KCNJ10: variants seen among roughly 807,000 people sequenced by gnomAD.
KCNJ10 encodes the protein potassium inwardly rectifying channel subfamily J member 10.
In KCNJ10, 9 loss-of-function variants were observed where a neutral mutation model predicts 22.2. That is an observed-to-expected ratio of 0.40 (90% confidence interval 0.24 to 0.71). The LOEUF is 0.71. Among genes scored for constraint, KCNJ10 ranks in the 30% least tolerant of loss-of-function variants. The pLI is 0.35. For missense variants in KCNJ10, 337 were observed against 482.7 expected, an observed-to-expected ratio of 0.70 and a Z score of 2.83; for synonymous variants, 184 against 187.3, an observed-to-expected ratio of 0.98 and a Z score of 0.15.
At chr1:160,062,174 G>T (rs1649215578) in intron 1 of KCNJ10, among the ~76,000 whole-genome samples, 1 of 152,062 alleles carries the variant, frequency 6.6e-6, no homozygotes, top group African/African-American at 2.4e-5. Flanking sequence ...CCTGCCCAGA[G>T]AGTGGGGGAG....
At chr1:160,056,936 A>T (rs1373319773) in intron 1 of KCNJ10, among the ~76,000 whole-genome samples, 1 of 152,208 alleles carries the variant, frequency 6.6e-6, no homozygotes, top group African/African-American at 2.4e-5. Context: ...AAATGGAGTT[A>T]GCCCAACAAA....
Position 160,042,154 on chromosome 1 carries a change from T to C in KCNJ10, c.379A>G (p.Thr127Ala). ...TAGCGGAAGCCATAGCCAATGGTGGTTTGGGATTCAAGGGAGAAGAGGAAG... is the reference window on the plus strand; with the variant it reads ...TAGCGGAAGCCATAGCCAATGGTGGCTTGGGATTCAAGGGAGAAGAGGAAG... ...GAFLFSLESQ[T>A]TIGYGFRYIS... The change falls in exon 2 of 2, where the codon ACC becomes GCC. Residue 127 changes from threonine (T) to alanine (A), a missense_variant. Physicochemically the swap from Thr to Ala is moderately conservative, Grantham distance 58. Transcript: ENST00000644903. 1 of 1,586,424 alleles carries C rather than the reference T, an allele frequency of 6.3e-7. No individual in the cohort carries two copies. Among genetic ancestry groups the C allele is most frequent in the Non-Finnish European group, 8.6e-7 (1 of 1,163,986 alleles).
chr1:160,066,050 G>A (rs1446087031), intron 1 of KCNJ10, among the ~76,000 whole-genome samples: 1 of 152,142 alleles, frequency 6.6e-6, no homozygotes, highest in Non-Finnish European at 1.5e-5. Flanking sequence ...ATACAAGAGC[G>A]ATAGGCAGGA....
At chr1:160,066,178 GC>G (rs144609370) in intron 1 of KCNJ10, among the ~76,000 whole-genome samples, 5,177 of 152,206 alleles carry the variant, frequency 0.034, 107 homozygotes, top group South Asian at 0.07. Flanking sequence ...TTTGGTGAAA[GC>G]TCAACCACTC....
chr1:160,062,049 C>A (rs1243389550), intron 1 of KCNJ10, among the ~76,000 whole-genome samples: 1 of 151,956 alleles, frequency 6.6e-6, no homozygotes, highest in Non-Finnish European at 1.5e-5. Context: ...CTTCTCAGGC[C>A]TCAGAGAACC....
intron 1 of KCNJ10, among the ~76,000 whole-genome samples, chr1:160,048,630 A>G (rs1462280342): frequency 6.6e-6 from 1 of 152,184 alleles, no homozygotes; most frequent in East Asian, 1.9e-4. Context: ...TACTAAATGC[A>G]TTCACTTCCA....
intron 1 of KCNJ10, among the ~76,000 whole-genome samples, chr1:160,046,050 C>T (rs145931947): frequency 5.4e-4 from 82 of 152,204 alleles, no homozygotes; most frequent in African/African-American, 1.9e-3. Flanking sequence ...CTGTCTATAC[C>T]CATGGTGGGT....
Position 160,051,414 on chromosome 1 carries a change from T to C in KCNJ10, c.1-8882A>G, listed in dbSNP as rs192002627. 3.9e-5 allele frequency among the ~76,000 whole-genome samples: 6 copies of C among 152,256 alleles called. No individual in the cohort carries two copies. In the East Asian group the frequency reaches 7.7e-4, roughly 20 times the overall value. On this transcript the variant is annotated intron_variant, in intron 1 of 1. Transcript: ENST00000644903. ...TAACTCTGTAAAACAAATCTTATTA[T>C]CTTCATAATTACTGCTGAGGAAATT... is the stretch of plus-strand genomic sequence containing the variant.
chr1:160,049,675 T>TTATTTATATATATATA (rs1283511580), intron 1 of KCNJ10, among the ~76,000 whole-genome samples: 3 of 47,094 alleles, frequency 6.4e-5, no homozygotes, highest in Non-Finnish European at 1.2e-4. Context: ...TTTTATTTAT[T>TTATTTATATATATATA]TATATATATA....
intron 1 of KCNJ10, among the ~76,000 whole-genome samples, chr1:160,044,024 C>T (rs758855764): frequency 7.9e-5 from 12 of 152,114 alleles, no homozygotes; most frequent in African/African-American, 2.9e-4. Context: ...TTCACACTGC[C>T]CACCCCACCC....
intron 1 of KCNJ10, among the ~76,000 whole-genome samples, chr1:160,047,965 T>C (rs1648786738): frequency 6.6e-6 from 1 of 152,214 alleles, no homozygotes; most frequent in South Asian, 2.1e-4. Flanking sequence ...GGTCTCAAAC[T>C]CCCGGACTTA....
chr1:160,068,554 C>T (rs577968820), intron 1 of KCNJ10, among the ~76,000 whole-genome samples: 1 of 152,256 alleles, frequency 6.6e-6, no homozygotes, highest in East Asian at 1.9e-4. Flanking sequence ...CCTATTGCCT[C>T]CACAATCCAG....
chr1:160,057,492 A>T lies in KCNJ10; in HGVS notation c.-1+12530T>A, dbSNP rs182023411. Among the ~76,000 whole-genome samples the T allele has an allele frequency of 3.7e-4, 56 of 152,084 alleles. 1 individual carries two copies. The highest frequency in any genetic ancestry group is 1.4e-3 in the African/African-American group (56 of 41,470). ...CCCACCTCTCTATAATTCCTCCAAA[A>T]CCCTCTCAGCCTGCCAAGAGGTGGG... On this transcript the variant is annotated intron_variant, in intron 1 of 1. Transcript: ENST00000644903.
Position 160,042,106 on chromosome 1 carries a change from C to T in KCNJ10, c.427G>A (p.Ala143Thr), listed in dbSNP as rs796052607. The T allele has an allele frequency of 8.3e-6, 13 of 1,556,948 alleles. No individual in the cohort carries two copies. Among genetic ancestry groups the T allele is most frequent in the African/African-American group, 1.4e-5 (1 of 73,258 alleles). ...AGCTGGGCAATAAGAAGCACAATGG[C>T]CAGTGGACATTCCTCACTGATGTAG... ...FRYISEECPL[A>T]IVLLIAQLVL... The change falls in exon 2 of 2, where the codon GCC becomes ACC. Residue 143 changes from alanine to threonine, a missense_variant. Transcript: ENST00000644903.
chr1:160,040,363 T>A lies in KCNJ10; in HGVS notation c.*1030A>T. 2.5e-6 allele frequency: 1 copy of A among 394,204 alleles called. No homozygotes were observed. The highest frequency in any genetic ancestry group is 3.6e-5 in the East Asian group (1 of 27,846). 24.4% of individuals were successfully genotyped at this position (394,204 alleles called of 1,614,324 possible). On this transcript the variant is annotated 3_prime_UTR_variant, in exon 2 of 2. Transcript: ENST00000644903. ...CTGTGAATCTAGTTTTACTTGAGCA[T>A]CCGTGTTAAGAGAGGAAGGCCCTTG...
Position 160,046,629 on chromosome 1 carries a change from GTATCTGCCACCTCCAGCTGT to G in KCNJ10, c.1-4117_1-4098del, listed in dbSNP as rs572678806. Among the ~76,000 whole-genome samples, 7 of 152,262 alleles carry G rather than the reference GTATCTGCCACCTCCAGCTGT, an allele frequency of 4.6e-5. No individual in the cohort carries two copies. In the East Asian group the frequency reaches 1.4e-3, roughly 29 times the overall value. On this transcript the variant is annotated intron_variant, in intron 1 of 1. Coordinates refer to ENST00000644903, the MANE Select transcript of KCNJ10 (RefSeq NM_002241.5). The stretch of plus-strand genomic sequence containing the variant: ...GTAGTGCCTGTGGTTGCCAGCCTTT[GTATCTGCCACCTCCAGCTGT>G]TATCTGCTGCTCCCAGCTGTTGTGC...
chr1:160,048,844 A>C (rs1314277030), intron 1 of KCNJ10, among the ~76,000 whole-genome samples: 1 of 152,024 alleles, frequency 6.6e-6, no homozygotes, highest in African/African-American at 2.4e-5. Context: ...GTCTTTTTTC[A>C]GGTCCTAATG....
intron 1 of KCNJ10, among the ~76,000 whole-genome samples, chr1:160,053,392 A>G (rs760656635): frequency 1.3e-5 from 2 of 152,176 alleles, no homozygotes; most frequent in Non-Finnish European, 2.9e-5. Context: ...GGAAGAGAAA[A>G]TGAAGGAGAG....
At chr1:160,049,669 A>ATTTATT (rs1648829672) in intron 1 of KCNJ10, among the ~76,000 whole-genome samples, 1 of 67,720 alleles carries the variant, frequency 1.5e-5, no homozygotes, top group Non-Finnish European at 2.8e-5. Flanking sequence ...CCAGCATTTT[A>ATTTATT]TTTATTTATA....
Sources: gnomAD v4.1 joint callset for allele counts (sites outside exome capture counted in the v4.1 genomes callset) on GRCh38, gnomAD v4.1.1 for gene constraint, MANE v1.5 for transcripts, NCBI Gene and HGNC (gene_info 2026-07-23, HGNC 2026-07-21) for gene names.